Variants in DHX8 observed in about 807,000 individuals in gnomAD.
DHX8 encodes DEAH-box helicase 8.
Under a neutral mutation model 140.7 loss-of-function variants are expected in DHX8, and 67 were observed. The ratio of observed to expected loss-of-function variants is 0.48; its 90% CI spans 0.39 to 0.58. The LOEUF is 0.58. Ranked by LOEUF, DHX8 falls within the 20% of genes least tolerant of loss-of-function variation. The pLI, the probability that DHX8 is intolerant of heterozygous loss-of-function variation, is 0.00. For synonymous variants in DHX8, 533 were observed against 553.2 expected, an observed-to-expected ratio of 0.96 and a Z score of 0.51; for missense variants, 887 against 1,550.7, an observed-to-expected ratio of 0.57 and a Z score of 7.19.
intron 3 of DHX8, among the ~76,000 whole-genome samples, chr17:43,539,012 G>A (rs568066392): frequency 1.3e-5 from 2 of 152,160 alleles, no homozygotes; most frequent in East Asian, 3.9e-4. Flanking sequence ...TTTCTTACTT[G>A]GATTTCACCC....
chr17:43,505,746 A>G (rs1208564079), intron 12 of DHX8, among the ~76,000 whole-genome samples: 1 of 152,014 alleles, frequency 6.6e-6, no homozygotes, highest in African/African-American at 2.4e-5. Context: ...CATATGGGCA[A>G]CTCATAGAGT....
At chr17:43,533,523 C>A (rs1971073937) in intron 2 of DHX8, among the ~76,000 whole-genome samples, 1 of 152,058 alleles carries the variant, frequency 6.6e-6, no homozygotes, top group Non-Finnish European at 1.5e-5. Flanking sequence ...TTTTCTTTTT[C>A]AGAGACAGTC....
chr17:43,510,091 G>A (rs761865680), intron 16 of DHX8, among the ~76,000 whole-genome samples: 1 of 150,340 alleles, frequency 6.7e-6, no homozygotes, highest in African/African-American at 2.5e-5. Flanking sequence ...TCTTGTTGCC[G>A]AGGCTGGAGT....
rs544471979 is a variant in DHX8 at position 43,491,312 on chromosome 17, C to T, written c.393+62C>T. On this transcript the variant is annotated intron_variant, in intron 4 of 22. Coordinates refer to ENST00000262415, the MANE Select transcript of DHX8 (RefSeq NM_004941.3). ...TATATTCTCAACCCCTTTTCTTTGT[C>T]TCATAGTAATTTTATTAATTTTAAG... 2.3e-5 allele frequency: 21 copies of T among 907,774 alleles called. No homozygotes were observed. The African/African-American group carries it at 2.9e-4, about 13-fold the overall frequency. The allele number at this position is 907,774 out of a possible 1,614,324, so 56.2% of individuals were successfully genotyped here.
intron 1 of DHX8, among the ~76,000 whole-genome samples, chr17:43,485,826 A>T (rs982084846): frequency 6.6e-6 from 1 of 152,244 alleles, no homozygotes; most frequent in Non-Finnish European, 1.5e-5. Flanking sequence ...ATAGCTAAAG[A>T]TCTCAATTAA....
Position 43,513,508 on chromosome 17 carries a change from A to G in DHX8, c.2643+6A>G, listed in dbSNP as rs1161016315. 6.2e-6 allele frequency: 10 copies of G among 1,613,132 alleles called. No homozygotes were observed. Among genetic ancestry groups the G allele is most frequent in the Non-Finnish European group, 8.5e-6 (10 of 1,179,614 alleles). ...TGGTGACGCCTATTTCTCAGGTATG[A>G]CGGCTTGTATCAACAGTTTTCCTGA... On this transcript the variant is annotated splice_donor_region_variant and intron_variant, in intron 17 of 22. Transcript: ENST00000262415.
At chr17:43,504,614 C>A (rs1969388612) in intron 11 of DHX8, 30 bp from the exon 12 acceptor site, 1 of 1,580,714 alleles carries the variant, frequency 6.3e-7, no homozygotes, top group Non-Finnish European at 8.6e-7. Context: ...AGCTTGAGGA[C>A]AATACTAAGT....
chr17:43,534,636 G>A (rs1051647513), intron 2 of DHX8, among the ~76,000 whole-genome samples: 11 of 152,060 alleles, frequency 7.2e-5, no homozygotes, highest in African/African-American at 2.7e-4. Context: ...TTTCTTATTT[G>A]AGGATATAAA....
intron 1 of DHX8, among the ~76,000 whole-genome samples, chr17:43,485,171 A>T (rs1018285909): frequency 2.6e-5 from 4 of 152,192 alleles, no homozygotes. Context: ...CAGAGAATAC[A>T]GTTGCAGATT....
At position 43,492,815 on chromosome 17, in the gene DHX8, G is replaced by A. The variant is rs559076556; in HGVS notation, c.638G>A (p.Arg213Gln). Reference protein sequence around the residue: ...RSRSRSRSRTRERNKVKSRYR... With the variant: ...RSRSRSRSRTQERNKVKSRYR... ...CGCTCTCGATCACGTTCCAGGACCCGGGAGAGGAATAAAGTGAAGTCTAGA... is the reference window on the plus strand; with the variant it reads ...CGCTCTCGATCACGTTCCAGGACCCAGGAGAGGAATAAAGTGAAGTCTAGA... Residue 213 changes from arginine (R) to glutamine (Q), a missense_variant, in exon 6 of 23, where the codon CGG (arginine) becomes CAG (glutamine). Physicochemically the swap from Arg to Gln is conservative, Grantham distance 43. Around this residue, in one of 9 missense-constraint regions of DHX8, gnomAD observed 304 missense variants for 306.9 expected, o/e 0.99. Transcript: ENST00000262415. 1.8e-5 allele frequency: 29 copies of A among 1,614,166 alleles called. No homozygotes were observed. Among genetic ancestry groups the A allele is most frequent in the Non-Finnish European group, 2.2e-5 (26 of 1,180,040 alleles).
chr17:43,490,602 G>A (rs1188680595), intron 3 of DHX8, 139 bp downstream of exon 3: 1 of 692,058 alleles, frequency 1.4e-6, no homozygotes, highest in Non-Finnish European at 2.4e-6. Context: ...GCTGGGCCTA[G>A]CGGCTCACTG....
chr17:43,530,559 G>T, downstream of DHX8: 1 of 580,436 alleles, frequency 1.7e-6, no homozygotes, highest in Non-Finnish European at 2.6e-6. Context: ...CCTCAGAATG[G>T]ACAAAAATGT....
intron 9 of DHX8, 136 bp downstream of exon 9, chr17:43,496,404 G>C (rs1215097657): frequency 3.3e-6 from 2 of 614,342 alleles, no homozygotes; most frequent in African/African-American, 3.8e-5. Flanking sequence ...AAAAAAAAAG[G>C]ATCTCACCAT....
At chr17:43,493,162 G>A in intron 6 of DHX8, 122 bp downstream of exon 6, 6 of 1,360,274 alleles carry the variant, frequency 4.4e-6, no homozygotes, top group South Asian at 1.4e-5. Context: ...AGCCATACAT[G>A]GTTCTTAGAA....
At chr17:43,489,597 GT>G (rs200604126) in intron 2 of DHX8, 63 bp downstream of exon 2, 9,081 of 1,058,136 alleles carry the variant, frequency 8.6e-3, no homozygotes, top group African/African-American at 9.8e-3. Flanking sequence ...TTGTTTGTTT[GT>G]TTTTTTTTTT....
intron 9 of DHX8, among the ~76,000 whole-genome samples, chr17:43,497,747 C>T (rs967756358): frequency 4.6e-5 from 7 of 151,690 alleles, no homozygotes; most frequent in African/African-American, 1.7e-4. Context: ...AGAGCAACAC[C>T]CTGTCTTAAA....
At chr17:43,533,022 G>A in intron 2 of DHX8, 1 of 1,513,458 alleles carries the variant, frequency 6.6e-7, no homozygotes. Flanking sequence ...GGCTTTTAGA[G>A]TGGGCTCCGG....
At chr17:43,495,763 CTG>C (rs1968821454) in intron 8 of DHX8, among the ~76,000 whole-genome samples, 1 of 152,068 alleles carries the variant, frequency 6.6e-6, no homozygotes, top group Non-Finnish European at 1.5e-5. Flanking sequence ...GAGAAAAAAA[CTG>C]GGTTTCCTAC....
Position 43,543,233 on chromosome 17 carries a change from G to T in DHX8, c.*21-929G>T, listed in dbSNP as rs1971613666. 2.0e-5 allele frequency among the ~76,000 whole-genome samples: 3 copies of T among 146,618 alleles called. No individual in the cohort carries two copies. The South Asian group carries it at 6.7e-4, about 33-fold the overall frequency. On this transcript the variant is annotated intron_variant, in intron 3 of 3. Coordinates refer to the DHX8 transcript ENST00000589898. ...CCCCACCCCACCTCCCCACCCACTGGATTTAAATGTACAGGGCAGCAGCAT... is the reference window on the plus strand; with the variant it reads ...CCCCACCCCACCTCCCCACCCACTGTATTTAAATGTACAGGGCAGCAGCAT...
Sources: gnomAD v4.1 joint callset for allele counts (sites outside exome capture counted in the v4.1 genomes callset) on GRCh38, gnomAD v4.1.1 for gene constraint, gnomAD v4.1.1 regional missense constraint, MANE v1.5 for transcripts, NCBI Gene and HGNC (gene_info 2026-07-23, HGNC 2026-07-21) for gene names.